Variants in NKAIN3 observed in about 807,000 individuals in gnomAD.
NKAIN3 encodes the protein sodium/potassium transporting ATPase interacting 3, also known as sodium/potassium-transporting ATPase subunit beta-1-interacting protein 3.
A neutral mutation model predicts 30.2 loss-of-function variants in NKAIN3; 25 were observed. The observed-to-expected ratio is 0.83, with a 90% confidence interval of 0.60 to 1.16. The LOEUF (loss-of-function observed/expected upper bound fraction) is 1.16, where lower values mean the gene tolerates loss of function less well. NKAIN3 is among the 50% of genes most tolerant of loss of function. The pLI, the probability that NKAIN3 is intolerant of heterozygous loss-of-function variation, is 0.00. For missense variants in NKAIN3, 225 were observed against 254.1 expected, an observed-to-expected ratio of 0.89 and a Z score of 0.78; for synonymous variants, 91 against 89.6, an observed-to-expected ratio of 1.02 and a Z score of -0.09.
chr8:62,900,948 T>C (rs1821596386), intron 4 of NKAIN3, among the ~76,000 whole-genome samples: 1 of 152,138 alleles, frequency 6.6e-6, no homozygotes, highest in African/African-American at 2.4e-5. Context: ...AGCAACGCTG[T>C]TGGCAAGAGT....
rs116270700 is a variant in NKAIN3 at position 62,575,533 on chromosome 8, C to T, written c.55-4006C>T. 3.9e-3 allele frequency among the ~76,000 whole-genome samples: 599 copies of T among 152,114 alleles called. 2 individuals carry two copies. Among genetic ancestry groups the T allele is most frequent in the African/African-American group, 0.014 (561 of 41,542 alleles). On this transcript the variant is annotated intron_variant, in intron 1 of 6. Coordinates refer to ENST00000623646, the MANE Select transcript of NKAIN3 (RefSeq NM_001304533.3). ...AGAATCAATATTGTTAAAATGTCTA[C>T]ACTACCCAAGGCAATCCACAGATCT...
chr8:62,631,272 G>A (rs529581563), intron 3 of NKAIN3, among the ~76,000 whole-genome samples: 3 of 152,236 alleles, frequency 2.0e-5, no homozygotes, highest in East Asian at 3.9e-4. Flanking sequence ...CTTCCTCGAT[G>A]TCGCCTCTGT....
chr8:62,894,245 CT>C (rs1317517586), intron 4 of NKAIN3, among the ~76,000 whole-genome samples: 1 of 152,136 alleles, frequency 6.6e-6, no homozygotes, highest in African/African-American at 2.4e-5. Context: ...ATTATTCATG[CT>C]AATTTCCATT....
intron 3 of NKAIN3, among the ~76,000 whole-genome samples, chr8:62,593,929 G>T (rs968663602): frequency 7.2e-5 from 11 of 151,952 alleles, no homozygotes; most frequent in African/African-American, 2.4e-4. Flanking sequence ...CTCAGTGGGG[G>T]TCTGTTCAGA....
chr8:62,769,943 T>C (rs1254240564), intron 4 of NKAIN3, among the ~76,000 whole-genome samples: 1 of 152,186 alleles, frequency 6.6e-6, no homozygotes, highest in Non-Finnish European at 1.5e-5. Context: ...GATAACTCAA[T>C]AATCTCCCCT....
chr8:62,320,270 G>A (rs1334884392), intron 1 of NKAIN3, among the ~76,000 whole-genome samples: 1 of 151,944 alleles, frequency 6.6e-6, no homozygotes, highest in Non-Finnish European at 1.5e-5. Flanking sequence ...CACTGATGGG[G>A]CCTGACTCTT....
At chr8:62,421,707 T>G (rs1804647437) in intron 1 of NKAIN3, among the ~76,000 whole-genome samples, 1 of 152,012 alleles carries the variant, frequency 6.6e-6, no homozygotes, top group Non-Finnish European at 1.5e-5. Context: ...AGGCTGTAGC[T>G]CCTCCCCATT....
intron 4 of NKAIN3, among the ~76,000 whole-genome samples, chr8:62,823,778 A>AAGTGTCATTTGGGCTCAAGGT (rs1275778011): frequency 1.3e-5 from 2 of 152,150 alleles, no homozygotes; most frequent in Non-Finnish European, 2.9e-5. Flanking sequence ...GTTCTCAGAA[A>AAGTGTCATTTGGGCTCAAGGT]AGTGTCATTT....
chr8:62,428,514 C>T (rs1007926537), intron 1 of NKAIN3, among the ~76,000 whole-genome samples: 14 of 151,724 alleles, frequency 9.2e-5, no homozygotes, highest in Admixed American at 2.0e-4. Flanking sequence ...CATTTATCAT[C>T]TTTTTGACTT....
chr8:62,288,618 C>T (rs1235629443), intron 1 of NKAIN3, among the ~76,000 whole-genome samples: 2 of 152,184 alleles, frequency 1.3e-5, no homozygotes, highest in Non-Finnish European at 2.9e-5. Context: ...GTATGTGCCA[C>T]ATTTTCTTAA....
chr8:62,848,610 T>A (rs1229273101), intron 4 of NKAIN3, among the ~76,000 whole-genome samples: 1 of 152,200 alleles, frequency 6.6e-6, no homozygotes, highest in African/African-American at 2.4e-5. Context: ...TCATGTCATC[T>A]GCAAACAGAT....
chr8:62,525,437 C>G, intron 1 of NKAIN3, among the ~76,000 whole-genome samples: 1 of 152,138 alleles, frequency 6.6e-6, no homozygotes, highest in East Asian at 1.9e-4. Flanking sequence ...CAGCTTCTTG[C>G]TTTTCTTGTC....
At chr8:62,779,206 C>T (rs1817279916) in intron 4 of NKAIN3, among the ~76,000 whole-genome samples, 1 of 152,092 alleles carries the variant, frequency 6.6e-6, no homozygotes, top group African/African-American at 2.4e-5. Context: ...TCTTTCTTGA[C>T]TGATGTAGCT....
chr8:62,972,347 T>C lies in NKAIN3; in HGVS notation c.*6940T>C, dbSNP rs922087369. 6.6e-6 allele frequency among the ~76,000 whole-genome samples: 1 copy of C among 152,150 alleles called. No homozygotes were observed. Among genetic ancestry groups the C allele is most frequent in the Non-Finnish European group, 1.5e-5 (1 of 68,018 alleles). ...ATACAAGTGAGGGAATTAATAAAAT[T>C]TTTTGTAATTATAAATATGTATATA... On this transcript the variant is annotated 3_prime_UTR_variant, in exon 7 of 7. Coordinates refer to ENST00000623646, the MANE Select transcript of NKAIN3 (RefSeq NM_001304533.3).
intron 1 of NKAIN3, among the ~76,000 whole-genome samples, chr8:62,279,905 G>A (rs967821845): frequency 6.6e-6 from 1 of 152,042 alleles, no homozygotes; most frequent in African/African-American, 2.4e-5. Flanking sequence ...TTCCAATTTT[G>A]TGAAGAAAGT....
chr8:62,472,830 A>G (rs1806395980), intron 1 of NKAIN3, among the ~76,000 whole-genome samples: 1 of 152,216 alleles, frequency 6.6e-6, no homozygotes, highest in Admixed American at 6.5e-5. Flanking sequence ...TCTGACCACA[A>G]CACTAAGCAC....
chr8:62,744,411 G>T (rs1015578661), intron 3 of NKAIN3, among the ~76,000 whole-genome samples: 2 of 152,128 alleles, frequency 1.3e-5, no homozygotes, highest in African/African-American at 4.8e-5. Context: ...AAATATGTAT[G>T]ATTAGTTCAT....
intron 2 of NKAIN3, among the ~76,000 whole-genome samples, chr8:62,583,794 C>T (rs1277785596): frequency 6.6e-6 from 1 of 152,098 alleles, no homozygotes; most frequent in African/African-American, 2.4e-5. Flanking sequence ...ATATTGTTAC[C>T]TTTATGAAGC....
At chr8:62,535,846 C>T (rs1328580480) in intron 1 of NKAIN3, among the ~76,000 whole-genome samples, 1 of 152,050 alleles carries the variant, frequency 6.6e-6, no homozygotes, top group Non-Finnish European at 1.5e-5. Flanking sequence ...AGTCTTAAGA[C>T]CCACAATCAG....
Sources: allele counts gnomAD v4.1 joint callset (sites outside exome capture counted in the v4.1 genomes callset), GRCh38; gene constraint gnomAD v4.1.1; transcripts MANE v1.5; gene names NCBI Gene and HGNC (gene_info 2026-07-23, HGNC 2026-07-21).